ITSN2: variants seen among roughly 807,000 people sequenced by gnomAD.
ITSN2 encodes intersectin 2, also known as intersectin-2.
ITSN2 carries 156 observed loss-of-function variants against 243.7 expected under a neutral mutation model. That is an observed-to-expected ratio of 0.64 (90% confidence interval 0.56 to 0.73). The LOEUF is 0.73. ITSN2 is among the 30% of genes least tolerant of loss of function. The pLI, the probability that ITSN2 is intolerant of heterozygous loss-of-function variation, is 0.00. For synonymous variants in ITSN2, 703 were observed against 699.9 expected, an observed-to-expected ratio of 1.00 and a Z score of -0.07; for missense variants, 1,801 against 1,996.1, an observed-to-expected ratio of 0.90 and a Z score of 1.86.
chr2:24,241,902 C>G (rs1672773235), intron 29 of ITSN2: 1 of 152,498 alleles, frequency 6.6e-6, no homozygotes, highest in Admixed American at 6.6e-5. Context: ...TAAGGGCAAA[C>G]TCAATATGCA....
At position 24,298,676 on chromosome 2, in the gene ITSN2, A is replaced by C. The variant is rs745667157; in HGVS notation, c.1483T>G (p.Leu495Val). The C allele has an allele frequency of 6.2e-7, 1 of 1,600,900 alleles. No individual in the cohort carries two copies. Among genetic ancestry groups the C allele is most frequent in the South Asian group, 1.1e-5 (1 of 87,588 alleles). ...NSKKKNLHLELEALNGKHQQI... is the reference protein window; with the variant it reads ...NSKKKNLHLEVEALNGKHQQI... ...AACTTCAGCCATACCAGTGCTTCCA[A>C]CTCAAGATGAAGATTCTTCTTTTTA... The change falls in exon 13 of 40, where the codon TTG (leucine) becomes GTG (valine). Residue 495 changes from leucine (L) to valine (V), a missense_variant. Physicochemically the swap from Leu to Val is conservative, Grantham distance 32 (BLOSUM62 1). Coordinates refer to ENST00000355123, the MANE Select transcript of ITSN2 (RefSeq NM_006277.3).
At chr2:24,236,476 G>A (rs1672164551) in intron 29 of ITSN2, among the ~76,000 whole-genome samples, 1 of 152,100 alleles carries the variant, frequency 6.6e-6, no homozygotes, top group Non-Finnish European at 1.5e-5. Context: ...CCAATTGCAT[G>A]GCAAGTGAAT....
intron 21 of ITSN2, 34 bp downstream of exon 21, chr2:24,261,527 T>G: frequency 6.7e-7 from 1 of 1,489,016 alleles, no homozygotes; most frequent in Non-Finnish European, 9.3e-7. Context: ...CATTTGCAGA[T>G]CTATATAAAC....
intron 32 of ITSN2, among the ~76,000 whole-genome samples, chr2:24,214,648 C>T (rs9784114): frequency 0.18 from 28,001 of 152,068 alleles, 3,152 homozygotes; most frequent in Non-Finnish European, 0.26. Context: ...TTTCCTCTTT[C>T]TCTATTAGAT....
At position 24,308,627 on chromosome 2, in the gene ITSN2, T is replaced by C. The variant is rs1384363692; in HGVS notation, c.783A>G (p.Gly261=). Residue 261 remains glycine, a synonymous_variant, in exon 8 of 40, where the codon GGA becomes GGG. Coordinates refer to ENST00000355123, the MANE Select transcript of ITSN2 (RefSeq NM_006277.3). ...CTGTATGCTGCTTACCTGAGAGATA[T>C]CCACTCATACTTTTGTCAAGAGTAT... The part of the protein sequence containing the change: ...KFNTLDKSMS[G]YLSGFQARNA... The C allele has an allele frequency of 6.7e-7, 1 of 1,503,310 alleles. No individual in the cohort carries two copies. Among genetic ancestry groups the C allele is most frequent in the African/African-American group, 1.4e-5 (1 of 71,082 alleles). The allele number at this position is 1,503,310 out of a possible 1,614,324, so 93.1% of individuals were successfully genotyped here. A position where few individuals can be genotyped will look rare whatever the true frequency, so the allele number is the denominator to read the frequency against.
intron 35 of ITSN2, 51 bp downstream of exon 35, chr2:24,209,767 G>A: frequency 6.9e-7 from 1 of 1,446,542 alleles, no homozygotes; most frequent in Non-Finnish European, 9.7e-7. Flanking sequence ...TTAAGATAGA[G>A]GCAACACCTC....
At chr2:24,309,449 C>T (rs1574260081) in intron 7 of ITSN2, among the ~76,000 whole-genome samples, 1 of 152,216 alleles carries the variant, frequency 6.6e-6, no homozygotes, top group East Asian at 1.9e-4. Context: ...ATCCGCCCAC[C>T]TCAGCCTCCC....
chr2:24,340,345 G>T (rs888333548), intron 1 of ITSN2, among the ~76,000 whole-genome samples: 2 of 152,100 alleles, frequency 1.3e-5, no homozygotes, highest in African/African-American at 4.8e-5. Context: ...GCCAGGCATG[G>T]TGGCACACGC....
chr2:24,234,820 C>T (rs183927651), intron 29 of ITSN2, among the ~76,000 whole-genome samples: 1 of 152,254 alleles, frequency 6.6e-6, no homozygotes, highest in African/African-American at 2.4e-5. Flanking sequence ...TTAGAATGGC[C>T]AGAATCTGTA....
chr2:24,356,955 T>C (rs917205056), intron 1 of ITSN2, among the ~76,000 whole-genome samples: 1 of 151,148 alleles, frequency 6.6e-6, no homozygotes, highest in East Asian at 1.9e-4. Flanking sequence ...AGAATGGTGA[T>C]TATTAAAAAG....
At chr2:24,208,597 C>T (rs999834369) in intron 36 of ITSN2, among the ~76,000 whole-genome samples, 1 of 152,160 alleles carries the variant, frequency 6.6e-6, no homozygotes, top group Non-Finnish European at 1.5e-5. Flanking sequence ...ATACCTGTCA[C>T]GAGGGGTTCT....
chr2:24,280,339 C>T (rs1352030179), intron 17 of ITSN2, among the ~76,000 whole-genome samples: 2 of 152,174 alleles, frequency 1.3e-5, no homozygotes, highest in Admixed American at 1.3e-4. Flanking sequence ...ATCTCACCTA[C>T]TGATAAGACA....
rs556322702 is a variant in ITSN2 at position 24,203,534 on chromosome 2, C to T, written c.*92G>A. On this transcript the variant is annotated 3_prime_UTR_variant, in exon 40 of 40. Coordinates refer to ENST00000355123, the MANE Select transcript of ITSN2 (RefSeq NM_006277.3). ...CATGGCTTTGTGAGGGGTGAAGCTG[C>T]ATGGTGCTCCCTCAGCCCCAAGAGA... The T allele has an allele frequency of 4.8e-5, 63 of 1,304,162 alleles. No homozygotes were observed. Among genetic ancestry groups the T allele is most frequent in the East Asian group, 7.3e-5 (3 of 40,892 alleles). 80.8% of individuals were successfully genotyped at this position (1,304,162 alleles called of 1,614,324 possible). A position where few individuals can be genotyped will look rare whatever the true frequency, so the allele number is the denominator to read the frequency against.
At chr2:24,332,379 T>C (rs1019424150) in intron 1 of ITSN2, among the ~76,000 whole-genome samples, 4 of 151,290 alleles carry the variant, frequency 2.6e-5, no homozygotes, top group African/African-American at 9.7e-5. Context: ...GAATGCCAAA[T>C]AGTAGATGCT....
chr2:24,217,605 T>A (rs1670087445), intron 31 of ITSN2, among the ~76,000 whole-genome samples: 1 of 152,256 alleles, frequency 6.6e-6, no homozygotes. Flanking sequence ...AGCTCTCCTC[T>A]GACTCTTCTG....
intron 17 of ITSN2, among the ~76,000 whole-genome samples, chr2:24,281,054 G>C (rs1678710136): frequency 6.6e-6 from 1 of 152,148 alleles, no homozygotes; most frequent in African/African-American, 2.4e-5. Context: ...CTGAGACAGA[G>C]TTTTGCTCTT....
chr2:24,290,765 C>CATGCAT (rs1680146212), intron 15 of ITSN2, among the ~76,000 whole-genome samples: 2 of 152,300 alleles, frequency 1.3e-5, no homozygotes, highest in Admixed American at 1.3e-4. Flanking sequence ...TCTTATCCTA[C>CATGCAT]GTTGCCATAC....
chr2:24,327,105 C>T (rs1475197000), intron 2 of ITSN2, among the ~76,000 whole-genome samples: 1 of 151,794 alleles, frequency 6.6e-6, no homozygotes, highest in Non-Finnish European at 1.5e-5. Context: ...ATTAAGAATT[C>T]AGAATCTAGA....
intron 27 of ITSN2, among the ~76,000 whole-genome samples, chr2:24,248,082 T>C (rs1023779757): frequency 6.6e-6 from 1 of 152,008 alleles, no homozygotes; most frequent in Non-Finnish European, 1.5e-5. Flanking sequence ...TTTTAACTAG[T>C]AAGGAAATAA....
Sources: allele counts gnomAD v4.1 joint callset (sites outside exome capture counted in the v4.1 genomes callset), GRCh38; gene constraint gnomAD v4.1.1; transcripts MANE v1.5; gene names NCBI Gene and HGNC (gene_info 2026-07-23, HGNC 2026-07-21).